SENP7: variants seen among roughly 807,000 people sequenced by gnomAD.
The protein encoded by SENP7 is SUMO specific peptidase 7.
In SENP7, 64 loss-of-function variants were observed where a neutral mutation model predicts 141.2. The ratio of observed to expected loss-of-function variants is 0.45; its 90% CI spans 0.37 to 0.56. The LOEUF (loss-of-function observed/expected upper bound fraction) is 0.56. Ranked by LOEUF, SENP7 falls within the 20% of genes least tolerant of loss-of-function variation. The pLI, the probability that SENP7 is intolerant of heterozygous loss-of-function variation, is 0.00. For missense variants in SENP7, 1,025 were observed against 1,212.2 expected (o/e 0.85, Z 2.29); for synonymous variants, 382 against 426.4 (o/e 0.90, Z 1.28).
At chr3:101,453,311 T>C (rs1228879408) in intron 4 of SENP7, among the ~76,000 whole-genome samples, 17 of 152,346 alleles carry the variant, frequency 1.1e-4, no homozygotes, top group African/African-American at 3.8e-4. Context: ...AGTGTGGCGA[T>C]TCCTCAGGGA....
intron 3 of SENP7, among the ~76,000 whole-genome samples, chr3:101,462,110 G>A (rs1229989522): frequency 6.6e-6 from 1 of 152,214 alleles, no homozygotes; most frequent in Non-Finnish European, 1.5e-5. Flanking sequence ...GAAAGTGGTT[G>A]CACAACACTG....
chr3:101,339,482 A>T (rs1007199955), intron 16 of SENP7, among the ~76,000 whole-genome samples: 2 of 152,184 alleles, frequency 1.3e-5, no homozygotes, highest in Non-Finnish European at 2.9e-5. Context: ...ACTCTTAGGG[A>T]GGCCAAGGAG....
At chr3:101,341,504 C>A (rs1016468184) in intron 15 of SENP7, 142 bp downstream of exon 15, 2 of 696,680 alleles carry the variant, frequency 2.9e-6, no homozygotes, top group East Asian at 6.6e-5. Context: ...CTCATAATTT[C>A]TTTAAAAAAA....
chr3:101,430,172 G>GT (rs544668853), intron 4 of SENP7, among the ~76,000 whole-genome samples: 110 of 152,300 alleles, frequency 7.2e-4, no homozygotes, highest in African/African-American at 2.6e-3. Context: ...TCTCTGCCAG[G>GT]TTTTGGTATC....
chr3:101,395,159 T>G (rs1195001015), intron 6 of SENP7, among the ~76,000 whole-genome samples: 2 of 152,210 alleles, frequency 1.3e-5, no homozygotes, highest in African/African-American at 4.8e-5. Context: ...CAGCTTAATA[T>G]AGTCTCATTT....
intron 4 of SENP7, among the ~76,000 whole-genome samples, chr3:101,427,325 C>G (rs1242438086): frequency 1.3e-5 from 2 of 151,848 alleles, no homozygotes. Flanking sequence ...CCTGTCTTTA[C>G]TGAAAATACA....
At chr3:101,485,953 TTA>T (rs1028342742) in intron 3 of SENP7, among the ~76,000 whole-genome samples, 39 of 152,144 alleles carry the variant, frequency 2.6e-4, no homozygotes, top group African/African-American at 8.4e-4. Flanking sequence ...GGACACACTT[TTA>T]GAAACGTGAA....
intron 6 of SENP7, among the ~76,000 whole-genome samples, chr3:101,375,595 A>C (rs1261392851): frequency 3.3e-5 from 5 of 151,152 alleles, no homozygotes; most frequent in Non-Finnish European, 7.4e-5. Context: ...TCACAAAGTT[A>C]CCAAGCAATC....
intron 3 of SENP7, among the ~76,000 whole-genome samples, chr3:101,460,545 C>T (rs956558552): frequency 6.6e-6 from 1 of 151,808 alleles, no homozygotes; most frequent in African/African-American, 2.4e-5. Flanking sequence ...AAAATGAATT[C>T]AAATGGAGAG....
intron 5 of SENP7, among the ~76,000 whole-genome samples, chr3:101,408,161 T>G (rs1268964188): frequency 6.6e-6 from 1 of 151,928 alleles, no homozygotes; most frequent in Non-Finnish European, 1.5e-5. Flanking sequence ...ACCTTTATAC[T>G]CATAAACTAG....
intron 6 of SENP7, among the ~76,000 whole-genome samples, chr3:101,378,454 G>GA (rs2060400502): frequency 6.6e-6 from 1 of 151,922 alleles, no homozygotes; most frequent in South Asian, 2.1e-4. Context: ...TATGGAAAAG[G>GA]AAAGAATCTC....
intron 13 of SENP7, among the ~76,000 whole-genome samples, chr3:101,346,991 A>C (rs1357722894): frequency 6.6e-6 from 1 of 151,602 alleles, no homozygotes; most frequent in Non-Finnish European, 1.5e-5. Flanking sequence ...AGGAGGGAGG[A>C]AGGAGGAAGA....
intron 1 of SENP7, among the ~76,000 whole-genome samples, chr3:101,504,605 T>G (rs1304374003): frequency 6.6e-6 from 1 of 152,228 alleles, no homozygotes; most frequent in Non-Finnish European, 1.5e-5. Flanking sequence ...AAATTCATTT[T>G]CTAGTCAATT....
intron 1 of SENP7, among the ~76,000 whole-genome samples, chr3:101,501,678 C>T (rs1012630948): frequency 6.6e-6 from 1 of 152,146 alleles, no homozygotes; most frequent in African/African-American, 2.4e-5. Context: ...AACATTAATT[C>T]AATGTCTATT....
intron 6 of SENP7, among the ~76,000 whole-genome samples, chr3:101,387,745 G>A (rs1313054918): frequency 6.6e-6 from 1 of 152,198 alleles, no homozygotes; most frequent in Admixed American, 6.5e-5. Flanking sequence ...TCTTCCGGGA[G>A]CCTGAAAATC....
chr3:101,351,783 C>T, intron 11 of SENP7, 132 bp from the exon 12 acceptor site: 1 of 660,260 alleles, frequency 1.5e-6, no homozygotes, highest in Non-Finnish European at 2.2e-6. Flanking sequence ...TATCAATAAA[C>T]CAATAAAATA....
intron 10 of SENP7, chr3:101,363,205 TAAAAA>T: frequency 1.4e-6 from 1 of 718,734 alleles, no homozygotes; most frequent in Non-Finnish European, 1.7e-6. Flanking sequence ...ATTCCCTAAG[TAAAAA>T]AGGGAATCAA....
chr3:101,367,753 C>T (rs1222556383), intron 8 of SENP7, 77 bp downstream of exon 8: 1 of 893,288 alleles, frequency 1.1e-6, no homozygotes, highest in Non-Finnish European at 1.7e-6. Context: ...GCTAGAGGAA[C>T]ATTATTTGGC....
intron 10 of SENP7, among the ~76,000 whole-genome samples, chr3:101,364,552 A>G (rs1398239420): frequency 6.6e-6 from 1 of 152,216 alleles, no homozygotes; most frequent in African/African-American, 2.4e-5. Flanking sequence ...ACAAAATGTT[A>G]GTGAAATGTC....
Sources: allele counts gnomAD v4.1 joint callset (sites outside exome capture counted in the v4.1 genomes callset), GRCh38; gene constraint gnomAD v4.1.1; transcripts MANE v1.5; gene names NCBI Gene and HGNC (gene_info 2026-07-23, HGNC 2026-07-21).